Variants in NEGR1 observed in about 807,000 individuals in gnomAD.
NEGR1 encodes IgLON family member 4.
A neutral mutation model predicts 40.9 loss-of-function variants in NEGR1; 10 were observed. That is an observed-to-expected ratio of 0.24 (90% CI 0.15 to 0.42). The LOEUF is 0.42. NEGR1 is among the 10% of genes least tolerant of loss of function. The pLI, the probability that NEGR1 is intolerant of heterozygous loss-of-function variation, is 1.00. For synonymous variants in NEGR1, 185 were observed against 166.8 expected (o/e 1.11, Z -0.84); for missense variants, 352 against 438.9 (o/e 0.80, Z 1.77).
intron 6 of NEGR1, among the ~76,000 whole-genome samples, chr1:71,415,829 A>C (rs193237757): frequency 6.6e-6 from 1 of 152,198 alleles, no homozygotes; most frequent in East Asian, 1.9e-4. Flanking sequence ...TGGTTCTTTG[A>C]ACTTGGTATG....
chr1:72,197,068 T>A (rs1475709774), intron 1 of NEGR1, among the ~76,000 whole-genome samples: 1 of 151,936 alleles, frequency 6.6e-6, no homozygotes, highest in Admixed American at 6.6e-5. Context: ...ATTTTTGTGA[T>A]GTTACCTGAG....
chr1:72,118,545 GAC>G (rs2100284958), intron 1 of NEGR1, among the ~76,000 whole-genome samples: 1 of 151,896 alleles, frequency 6.6e-6, no homozygotes, highest in East Asian at 2.0e-4. Flanking sequence ...GATCCTGGAA[GAC>G]AGTCAGTAAA....
intron 2 of NEGR1, among the ~76,000 whole-genome samples, chr1:71,928,557 T>C (rs890097761): frequency 1.4e-5 from 2 of 147,716 alleles, no homozygotes; most frequent in African/African-American, 5.0e-5. Context: ...CACATATGTG[T>C]ATATATATAC....
At chr1:71,609,425 G>A (rs12744767) in intron 5 of NEGR1, among the ~76,000 whole-genome samples, 28 of 144,266 alleles carry the variant, frequency 1.9e-4, no homozygotes, top group Non-Finnish European at 3.5e-4. Context: ...TGAGGCAGGA[G>A]AATGGCGTGA....
At chr1:71,987,970 A>C (rs1193628514) in intron 1 of NEGR1, among the ~76,000 whole-genome samples, 1 of 152,124 alleles carries the variant, frequency 6.6e-6, no homozygotes, top group Non-Finnish European at 1.5e-5. Flanking sequence ...TTAAGAAATT[A>C]TTTTCCATTT....
At chr1:72,063,319 T>C (rs1369845270) in intron 1 of NEGR1, among the ~76,000 whole-genome samples, 2 of 151,912 alleles carry the variant, frequency 1.3e-5, no homozygotes, top group Admixed American at 1.3e-4. Context: ...AGGTCACACC[T>C]ATTAGGTTGG....
intron 5 of NEGR1, among the ~76,000 whole-genome samples, chr1:71,602,063 A>G (rs974770070): frequency 2.0e-5 from 3 of 152,044 alleles, no homozygotes; most frequent in African/African-American, 7.2e-5. Context: ...TACTTCTGGA[A>G]TCCAGTCCAA....
At chr1:72,271,874 G>T (rs1281420423) in intron 1 of NEGR1, among the ~76,000 whole-genome samples, 2 of 151,692 alleles carry the variant, frequency 1.3e-5, no homozygotes, top group African/African-American at 4.8e-5. Flanking sequence ...GTTTATCAGG[G>T]CCTTCTGCTT....
At chr1:72,191,378 G>T (rs547543149) in intron 1 of NEGR1, among the ~76,000 whole-genome samples, 27 of 151,804 alleles carry the variant, frequency 1.8e-4, no homozygotes, top group African/African-American at 6.0e-4. Context: ...GGCAATACCT[G>T]ATAGTTTATG....
At position 71,415,315 on chromosome 1, in the gene NEGR1, T is replaced by C. The variant is rs535421652; in HGVS notation, c.941-7745A>G. Among the ~76,000 whole-genome samples the C allele has an allele frequency of 2.0e-5, 3 of 152,232 alleles. No homozygotes were observed. The East Asian group carries it at 5.8e-4, about 30-fold the overall frequency. On this transcript the variant is annotated intron_variant, in intron 6 of 6. Transcript: ENST00000357731. ...TTCCTTTCTTGCTCTTTTTGACTAG[T>C]GGCATTTTTCTGCCAACTTATTCTT...
intron 2 of NEGR1, among the ~76,000 whole-genome samples, chr1:71,792,655 T>G (rs955544149): frequency 2.6e-5 from 4 of 151,906 alleles, no homozygotes; most frequent in Admixed American, 6.6e-5. Flanking sequence ...GATGAGAAGG[T>G]TTTTTATGTA....
intron 1 of NEGR1, among the ~76,000 whole-genome samples, chr1:72,216,406 T>TATATATATATACAC (rs1557582844): frequency 6.8e-6 from 1 of 146,346 alleles, no homozygotes; most frequent in Admixed American, 6.9e-5. Flanking sequence ...TATATACATA[T>TATATATATATACAC]ATATATATAT....
intron 1 of NEGR1, among the ~76,000 whole-genome samples, chr1:72,257,266 G>A (rs1231732534): frequency 1.4e-5 from 2 of 142,246 alleles, no homozygotes; most frequent in African/African-American, 2.7e-5. Flanking sequence ...AGCTTGCAGT[G>A]AGCCGAGATC....
intron 6 of NEGR1, among the ~76,000 whole-genome samples, chr1:71,544,008 T>G (rs776048248): frequency 1.3e-5 from 2 of 151,608 alleles, no homozygotes. Flanking sequence ...CCCCTGCAGC[T>G]GTTTATGAGG....
chr1:72,132,442 A>G (rs1168157799), intron 1 of NEGR1, among the ~76,000 whole-genome samples: 2 of 152,236 alleles, frequency 1.3e-5, no homozygotes. Context: ...TTGAATCCTT[A>G]TGGAGTTTTT....
At chr1:72,144,728 TG>T (rs1335700597) in intron 1 of NEGR1, among the ~76,000 whole-genome samples, 1 of 152,054 alleles carries the variant, frequency 6.6e-6, no homozygotes, top group Non-Finnish European at 1.5e-5. Flanking sequence ...AAGTGTAGTG[TG>T]GAACAGGGTC....
chr1:71,585,262 A>G (rs1400303495), intron 6 of NEGR1, among the ~76,000 whole-genome samples: 1 of 152,152 alleles, frequency 6.6e-6, no homozygotes, highest in Non-Finnish European at 1.5e-5. Flanking sequence ...TTAAACATGC[A>G]TAGATTTCTT....
intron 6 of NEGR1, among the ~76,000 whole-genome samples, chr1:71,562,737 T>G (rs2101482474): frequency 6.6e-6 from 1 of 152,124 alleles, no homozygotes; most frequent in South Asian, 2.1e-4. Context: ...CAGCTTTTGC[T>G]AGGTTATTCT....
At chr1:71,742,525 A>T (rs1655248237) in intron 3 of NEGR1, among the ~76,000 whole-genome samples, 1 of 151,768 alleles carries the variant, frequency 6.6e-6, no homozygotes, top group Non-Finnish European at 1.5e-5. Context: ...CATGAAGTTT[A>T]CATGCTAGAT....
Sources: gnomAD v4.1 joint callset for allele counts (sites outside exome capture counted in the v4.1 genomes callset) on GRCh38, gnomAD v4.1.1 for gene constraint, MANE v1.5 for transcripts, NCBI Gene and HGNC (gene_info 2026-07-23, HGNC 2026-07-21) for gene names.